Variants in PLCB1 observed in about 807,000 individuals in gnomAD.
PLCB1 encodes the protein 1-phosphatidylinositol 4,5-bisphosphate phosphodiesterase beta-1.
Under a neutral mutation model 161.8 loss-of-function variants are expected in PLCB1, and 46 were observed. The observed-to-expected ratio is 0.28, with a 90% CI of 0.22 to 0.36. PLCB1 has a LOEUF of 0.36. Among genes scored for constraint, PLCB1 ranks in the 10% least tolerant of loss-of-function variants. The probability of loss-of-function intolerance (pLI) is 1.00; values close to 1 mark genes in which losing one functional copy is unlikely to be tolerated. For synonymous variants in PLCB1, 517 were observed against 503.7 expected (o/e 1.03, Z -0.35); for missense variants, 1,016 against 1,472.5 (o/e 0.69, Z 5.07).
chr20:8,252,903 C>T (rs1296874290), intron 2 of PLCB1, among the ~76,000 whole-genome samples: 1 of 151,968 alleles, frequency 6.6e-6, no homozygotes, highest in East Asian at 1.9e-4. Context: ...TTTTGCCTTA[C>T]TTATATCTAG....
intron 9 of PLCB1, among the ~76,000 whole-genome samples, chr20:8,681,086 G>GTATA (rs202198416): frequency 0.034 from 2,480 of 73,670 alleles, 73 homozygotes; most frequent in South Asian, 0.089. Context: ...ATGTGTGTGT[G>GTATA]TATATATATA....
At chr20:8,648,977 GA>G (rs1989240701) in intron 6 of PLCB1, among the ~76,000 whole-genome samples, 2 of 150,428 alleles carry the variant, frequency 1.3e-5, no homozygotes, top group African/African-American at 2.4e-5. Context: ...GAAAAGAAAA[GA>G]AATTAATTTA....
intron 9 of PLCB1, among the ~76,000 whole-genome samples, chr20:8,681,967 A>G (rs1436355662): frequency 3.9e-5 from 6 of 152,124 alleles, no homozygotes; most frequent in Admixed American, 1.3e-4. Flanking sequence ...ACAAAGATAC[A>G]TGCACATTCA....
At chr20:8,246,839 G>A (rs571532326) in intron 2 of PLCB1, among the ~76,000 whole-genome samples, 1 of 151,682 alleles carries the variant, frequency 6.6e-6, no homozygotes, top group African/African-American at 2.4e-5. Flanking sequence ...ATGAGGATTT[G>A]CTTCCTCTGA....
intron 3 of PLCB1, among the ~76,000 whole-genome samples, chr20:8,566,686 A>C (rs1248629896): frequency 1.3e-5 from 2 of 152,126 alleles, no homozygotes; most frequent in African/African-American, 4.8e-5. Context: ...ACATAAATTT[A>C]GTGCTTAACT....
At chr20:8,681,406 A>C (rs1330259367) in intron 9 of PLCB1, among the ~76,000 whole-genome samples, 2 of 152,056 alleles carry the variant, frequency 1.3e-5, no homozygotes, top group Admixed American at 1.3e-4. Context: ...TAAAGTTAAA[A>C]TCCATTTGTC....
intron 3 of PLCB1, among the ~76,000 whole-genome samples, chr20:8,611,706 C>A (rs1987909699): frequency 6.6e-6 from 1 of 152,278 alleles, no homozygotes; most frequent in East Asian, 1.9e-4. Flanking sequence ...CATTCAGGGA[C>A]TCTTCAATCA....
intron 3 of PLCB1, among the ~76,000 whole-genome samples, chr20:8,536,088 A>C (rs1351383763): frequency 6.6e-6 from 1 of 152,196 alleles, no homozygotes; most frequent in East Asian, 1.9e-4. Context: ...CTTAATGCAC[A>C]TGATGGAGGA....
intron 3 of PLCB1, among the ~76,000 whole-genome samples, chr20:8,488,327 C>T (rs1982814358): frequency 6.6e-6 from 1 of 152,046 alleles, no homozygotes; most frequent in Non-Finnish European, 1.5e-5. Context: ...GGGAACTCCA[C>T]AGGGATCAAG....
chr20:8,471,506 G>A (rs770405903), intron 3 of PLCB1, among the ~76,000 whole-genome samples: 2 of 152,024 alleles, frequency 1.3e-5, no homozygotes, highest in South Asian at 2.1e-4. Context: ...GTTAAGTTAC[G>A]TGTTACAAAC....
intron 3 of PLCB1, among the ~76,000 whole-genome samples, chr20:8,589,925 G>T (rs764504733): frequency 6.6e-6 from 1 of 151,964 alleles, no homozygotes; most frequent in Admixed American, 6.6e-5. Flanking sequence ...GGCCCTTGTG[G>T]TCTCTTTTAC....
chr20:8,604,732 A>G (rs562435040), intron 3 of PLCB1, among the ~76,000 whole-genome samples: 1 of 152,188 alleles, frequency 6.6e-6, no homozygotes, highest in Non-Finnish European at 1.5e-5. Flanking sequence ...CTCCACCCTC[A>G]TGTTGGGCAA....
intron 3 of PLCB1, among the ~76,000 whole-genome samples, chr20:8,625,485 A>G (rs959233428): frequency 9.2e-5 from 14 of 152,236 alleles, no homozygotes; most frequent in Non-Finnish European, 2.9e-5. Flanking sequence ...TAAATGAAGA[A>G]AAGATACAGT....
At chr20:8,762,297 A>C (rs1227310989) in intron 25 of PLCB1, among the ~76,000 whole-genome samples, 1 of 151,728 alleles carries the variant, frequency 6.6e-6, no homozygotes, top group African/African-American at 2.4e-5. Flanking sequence ...ATGTTGTTTA[A>C]AATAACGTAA....
intron 2 of PLCB1, among the ~76,000 whole-genome samples, chr20:8,299,947 C>T (rs1465472797): frequency 6.6e-6 from 1 of 152,170 alleles, no homozygotes; most frequent in Admixed American, 6.5e-5. Context: ...TCTCTTGTCA[C>T]AATAATGTTG....
intron 12 of PLCB1, among the ~76,000 whole-genome samples, chr20:8,713,177 G>GTTTTGT (rs1489730798): frequency 6.6e-6 from 1 of 152,006 alleles, no homozygotes; most frequent in Non-Finnish European, 1.5e-5. Flanking sequence ...TCTGAGGCAG[G>GTTTTGT]TTTTGTTTTT....
intron 14 of PLCB1, among the ~76,000 whole-genome samples, chr20:8,718,265 G>T (rs561512840): frequency 1.3e-5 from 2 of 152,206 alleles, no homozygotes; most frequent in East Asian, 3.9e-4. Flanking sequence ...GAAGGACTTT[G>T]AACATTCCTA....
intron 3 of PLCB1, among the ~76,000 whole-genome samples, chr20:8,425,224 G>C (rs1331185362): frequency 6.6e-6 from 1 of 151,446 alleles, no homozygotes; most frequent in Non-Finnish European, 1.5e-5. Context: ...CTAGGGTGAA[G>C]TTACAAAGTT....
intron 2 of PLCB1, among the ~76,000 whole-genome samples, chr20:8,297,629 A>T (rs1215568876): frequency 6.6e-6 from 1 of 152,134 alleles, no homozygotes; most frequent in Non-Finnish European, 1.5e-5. Flanking sequence ...TTGGCAAAAG[A>T]AAGCTTTCTT....
Sources: gnomAD v4.1 joint callset for allele counts (sites outside exome capture counted in the v4.1 genomes callset) on GRCh38, gnomAD v4.1.1 for gene constraint, MANE v1.5 for transcripts, NCBI Gene and HGNC (gene_info 2026-07-23, HGNC 2026-07-21) for gene names.